The following PDE4D variants were observed in gnomAD, a reference collection of about 807,000 sequenced individuals.
PDE4D encodes the protein phosphodiesterase 4D.
A neutral mutation model predicts 87.4 loss-of-function variants in PDE4D; 24 were observed. That is an observed-to-expected ratio of 0.27 (90% CI 0.20 to 0.39). The LOEUF is 0.39. Ranked by LOEUF, PDE4D falls within the 10% of genes least tolerant of loss-of-function variation. PDE4D has a pLI of 1.00. For missense variants in PDE4D, 714 were observed against 1,041.0 expected, an observed-to-expected ratio of 0.69 and a Z score of 4.32; for synonymous variants, 384 against 383.2, an observed-to-expected ratio of 1.00 and a Z score of -0.02.
At chr5:59,934,275 T>C (rs914435394) in intron 3 of PDE4D, among the ~76,000 whole-genome samples, 2 of 152,286 alleles carry the variant, frequency 1.3e-5, no homozygotes. Flanking sequence ...AATTACTGCA[T>C]AACGAAGTAA....
intron 1 of PDE4D, among the ~76,000 whole-genome samples, chr5:59,883,559 T>G (rs1749752964): frequency 6.6e-6 from 1 of 152,222 alleles, no homozygotes; most frequent in East Asian, 1.9e-4. Flanking sequence ...TTATATCTAT[T>G]TCAAACTTTA....
chr5:60,133,499 A>C (rs1779766851), intron 2 of PDE4D, among the ~76,000 whole-genome samples: 1 of 152,076 alleles, frequency 6.6e-6, no homozygotes, highest in Non-Finnish European at 1.5e-5. Flanking sequence ...ACAAATATCA[A>C]AACCTAAATT....
intron 6 of PDE4D, among the ~76,000 whole-genome samples, chr5:59,012,418 C>A (rs1029555722): frequency 2.6e-5 from 4 of 152,056 alleles, no homozygotes; most frequent in Non-Finnish European, 5.9e-5. Flanking sequence ...ATCTCACATG[C>A]AGAGAGACAC....
At chr5:60,052,212 C>A (rs780038050) in intron 2 of PDE4D, among the ~76,000 whole-genome samples, 18 of 149,162 alleles carry the variant, frequency 1.2e-4, no homozygotes, top group African/African-American at 2.0e-4. Flanking sequence ...CATCCTGAAG[C>A]CAAAGCCTGG....
At chr5:60,487,083 GT>G (rs1310415276) in intron 1 of PDE4D, among the ~76,000 whole-genome samples, 1 of 152,220 alleles carries the variant, frequency 6.6e-6, no homozygotes, top group Non-Finnish European at 1.5e-5. Context: ...CTACCCTGCA[GT>G]GTATGCTATA....
At chr5:60,221,838 C>G (rs147293995) in intron 1 of PDE4D, among the ~76,000 whole-genome samples, 1 of 152,032 alleles carries the variant, frequency 6.6e-6, no homozygotes, top group African/African-American at 2.4e-5. Flanking sequence ...GTTTGTTTAT[C>G]CAGACTCCTG....
At chr5:59,036,278 AT>A (rs1198118905) in intron 6 of PDE4D, among the ~76,000 whole-genome samples, 2 of 152,162 alleles carry the variant, frequency 1.3e-5, no homozygotes, top group East Asian at 3.8e-4. Flanking sequence ...ATTAGAGTAA[AT>A]TTTTTAAAAC....
chr5:59,013,170 A>G (rs1488732626), intron 6 of PDE4D, among the ~76,000 whole-genome samples: 1 of 152,222 alleles, frequency 6.6e-6, no homozygotes, highest in Non-Finnish European at 1.5e-5. Flanking sequence ...GGAAATTTAT[A>G]GCACTAAGTG....
intron 1 of PDE4D, among the ~76,000 whole-genome samples, chr5:59,502,268 A>G (rs1443571271): frequency 6.6e-6 from 1 of 152,194 alleles, no homozygotes; most frequent in Non-Finnish European, 1.5e-5. Context: ...CAGATGTTCC[A>G]TTAACAGATA....
chr5:59,622,993 G>T (rs1485119444), intron 1 of PDE4D, among the ~76,000 whole-genome samples: 2 of 152,150 alleles, frequency 1.3e-5, no homozygotes, highest in Non-Finnish European at 2.9e-5. Context: ...ATATTTCATT[G>T]ATATTATGAT....
intron 1 of PDE4D, among the ~76,000 whole-genome samples, chr5:59,872,293 A>G (rs1581522519): frequency 7.4e-6 from 1 of 134,740 alleles, no homozygotes; most frequent in South Asian, 2.2e-4. Flanking sequence ...ACACACACAC[A>G]CACACACAAG....
At chr5:59,314,067 C>T (rs527839409) in intron 1 of PDE4D, 4 of 152,206 alleles carry the variant, frequency 2.6e-5, no homozygotes, top group African/African-American at 9.6e-5. Flanking sequence ...AAGGTAGCCC[C>T]AGTACTCTGG....
chr5:60,099,429 A>G (rs1425501019), intron 2 of PDE4D, among the ~76,000 whole-genome samples: 1 of 151,932 alleles, frequency 6.6e-6, no homozygotes, highest in Non-Finnish European at 1.5e-5. Context: ...AATCAAAAAC[A>G]TTTGCATGGT....
chr5:60,366,043 CAAA>C (rs201694311), intron 1 of PDE4D, among the ~76,000 whole-genome samples: 6 of 70,694 alleles, frequency 8.5e-5, no homozygotes, highest in African/African-American at 5.2e-5. Flanking sequence ...GACTCTGTCT[CAAA>C]AAAAAAAAAA....
At chr5:60,022,363 A>G (rs991392863) in intron 2 of PDE4D, among the ~76,000 whole-genome samples, 6 of 152,228 alleles carry the variant, frequency 3.9e-5, no homozygotes, top group African/African-American at 1.4e-4. Flanking sequence ...ACAGAGGAGT[A>G]TTCCTGTAGA....
At chr5:59,312,847 G>GC (rs1772963329) in intron 1 of PDE4D, among the ~76,000 whole-genome samples, 1 of 152,146 alleles carries the variant, frequency 6.6e-6, no homozygotes, top group African/African-American at 2.4e-5. Flanking sequence ...AAGCCCACCA[G>GC]CCCCCTCCAG....
chr5:60,231,546 T>C (rs931894038), intron 1 of PDE4D, among the ~76,000 whole-genome samples: 2 of 151,994 alleles, frequency 1.3e-5, no homozygotes, highest in Admixed American at 6.6e-5. Flanking sequence ...AGGATCCATT[T>C]AAGTTGGATT....
At chr5:59,159,977 A>G (rs1212772019) in intron 5 of PDE4D, among the ~76,000 whole-genome samples, 2 of 152,220 alleles carry the variant, frequency 1.3e-5, no homozygotes, top group Non-Finnish European at 2.9e-5. Flanking sequence ...TTAGCTCCTA[A>G]GTGCATTTGT....
intron 1 of PDE4D, among the ~76,000 whole-genome samples, chr5:60,470,285 CAG>C (rs1161858699): frequency 6.6e-6 from 1 of 152,136 alleles, no homozygotes; most frequent in African/African-American, 2.4e-5. Context: ...TTGAAGCTAA[CAG>C]AGATTGATTC....
Sources: allele counts gnomAD v4.1 joint callset (sites outside exome capture counted in the v4.1 genomes callset), GRCh38; gene constraint gnomAD v4.1.1; transcripts MANE v1.5; gene names NCBI Gene and HGNC (gene_info 2026-07-23, HGNC 2026-07-21).